Variants in ZNF254 observed in about 807,000 individuals in gnomAD.
The protein encoded by ZNF254 is CTD-2017D11.1.
A neutral mutation model predicts 12.4 loss-of-function variants in ZNF254; 10 were observed. The ratio of observed to expected loss-of-function variants is 0.80; its 90% CI spans 0.50 to 1.36. ZNF254 has a LOEUF of 1.36. ZNF254 is among the 40% of genes most tolerant of loss of function. The probability of loss-of-function intolerance (pLI) is 0.00; values close to 1 mark genes in which losing one functional copy is unlikely to be tolerated. For synonymous variants in ZNF254, 305 were observed against 253.4 expected, an observed-to-expected ratio of 1.20 and a Z score of -1.93; for missense variants, 996 against 763.9, an observed-to-expected ratio of 1.30 and a Z score of -3.58.
rs1313040760 is a variant in ZNF254, at chr19:24,129,206, T to C, written c.*1226T>C. On this transcript the variant is annotated 3_prime_UTR_variant, in exon 4 of 4. Transcript: ENST00000357002. Reference sequence around the variant, plus strand: ...CATTATTATGAATGAAAAGCATTCTTAATTTTAGTTAAAATTAAGTTAGTC... The same window carrying C: ...CATTATTATGAATGAAAAGCATTCTCAATTTTAGTTAAAATTAAGTTAGTC... 1 of 152,060 alleles carries C rather than the reference T, an allele frequency of 6.6e-6. No homozygotes were observed. Among genetic ancestry groups the C allele is most frequent in the Non-Finnish European group, 1.5e-5 (1 of 67,930 alleles). 9.4% of individuals were successfully genotyped at this position (152,060 alleles called of 1,614,324 possible).
intron 1 of ZNF254, among the ~76,000 whole-genome samples, chr19:24,045,053 C>T (rs1029320907): frequency 1.3e-5 from 2 of 152,100 alleles, no homozygotes; most frequent in African/African-American, 4.8e-5. Context: ...CTGAGAGAGC[C>T]GGACAGACTC....
At position 24,127,350 on chromosome 19, in the gene ZNF254, T is replaced by A. The variant is rs750698059; in HGVS notation, c.1350T>A (p.Thr450=). 27 of 1,613,650 alleles carry A rather than the reference T, an allele frequency of 1.7e-5. No homozygotes were observed. The highest frequency in any genetic ancestry group is 2.3e-5 in the Non-Finnish European group (27 of 1,179,822). The change falls in exon 4 of 4, where the codon ACT becomes ACA. Residue 450 remains threonine, a synonymous_variant. Transcript: ENST00000357002. ...CATTTATCTGGTCCTCAACCCTTAC[T>A]AAACATAAGAGAATTCATACTAGAG... ...GKAFIWSSTL[T]KHKRIHTREK... is the part of the protein sequence containing the mutation.
chr19:24,076,765 T>C (rs1971674061), intron 2 of ZNF254, among the ~76,000 whole-genome samples: 1 of 152,210 alleles, frequency 6.6e-6, no homozygotes, highest in African/African-American at 2.4e-5. Context: ...AGATACATTG[T>C]TTTATTCTGT....
chr19:24,092,417 T>TC lies in ZNF254; in HGVS notation c.30+5087dup, dbSNP rs1019794069. 1.3e-4 allele frequency among the ~76,000 whole-genome samples: 18 copies of TC among 139,700 alleles called. No individual in the cohort carries two copies. In the East Asian group the frequency reaches 1.3e-3, roughly 10 times the overall value. 91.6% of individuals were successfully genotyped at this position (139,700 alleles called of 152,430 possible). ...ACTCCTGACCTCAGGTGATCCACCC[T>TC]CCCCCCCGGCCTCCCAAAGTGCTGG... On this transcript the variant is annotated intron_variant, in intron 1 of 3. Coordinates refer to ENST00000357002, the MANE Select transcript of ZNF254 (RefSeq NM_203282.4).
chr19:24,083,950 A>G (rs1971937514), upstream of ZNF254, among the ~76,000 whole-genome samples: 1 of 152,070 alleles, frequency 6.6e-6, no homozygotes, highest in African/African-American at 2.4e-5. Flanking sequence ...AATTAAAAGT[A>G]GAACTACCGT....
In ZNF254 at chr19:24,126,563, T is replaced by A; in HGVS notation, c.563T>A (p.Val188Asp). Residue 188 changes from valine (V) to aspartate (D), a missense_variant, in exon 4 of 4, where the codon GTC becomes GAC. Val to Asp is a radical substitution (Grantham distance 152). Transcript: ENST00000357002. ...EKKSFKCKKR[V>D]KLFCMLSHKT... ...AAATCTTTCAAATGTAAAAAACGTGTCAAATTATTTTGCATGCTTTCACAT... is the reference window on the plus strand; with the variant it reads ...AAATCTTTCAAATGTAAAAAACGTGACAAATTATTTTGCATGCTTTCACAT... 1 of 1,604,720 alleles carries A rather than the reference T, an allele frequency of 6.2e-7. No individual in the cohort carries two copies. The highest frequency in any genetic ancestry group is 1.7e-5 in the Admixed American group (1 of 57,676).
intron 2 of ZNF254, among the ~76,000 whole-genome samples, chr19:24,052,452 G>T (rs1970685358): frequency 6.6e-6 from 1 of 152,168 alleles, no homozygotes; most frequent in Non-Finnish European, 1.5e-5. Flanking sequence ...ACATATCTTT[G>T]CATTCATTAT....
chr19:24,126,272 C>A lies in ZNF254; in HGVS notation c.272C>A (p.Ala91Asp), dbSNP rs1974828044. ...DEPPGMCPHFAQDLWPEQGME... is the reference protein window; with the variant it reads ...DEPPGMCPHFDQDLWPEQGME... ...TTTTCAGGTATGTGTCCTCATTTTG[C>A]TCAAGACCTTTGGCCAGAGCAGGGC... Residue 91 changes from alanine to aspartate, a missense_variant, in exon 4 of 4, where the codon GCT (alanine) becomes GAT (aspartate). Physicochemically the swap from Ala to Asp is moderately radical, Grantham distance 126. Coordinates refer to ENST00000357002, the MANE Select transcript of ZNF254 (RefSeq NM_203282.4). 1.3e-6 allele frequency: 2 copies of A among 1,493,176 alleles called. No homozygotes were observed. Among genetic ancestry groups the A allele is most frequent in the African/African-American group, 1.4e-5 (1 of 70,574 alleles). The allele number at this position is 1,493,176 out of a possible 1,614,324, so 92.5% of individuals were successfully genotyped here.
chr19:24,098,020 TA>T (rs1387779364), intron 1 of ZNF254, among the ~76,000 whole-genome samples: 17 of 152,146 alleles, frequency 1.1e-4, no homozygotes, highest in African/African-American at 4.1e-4. Flanking sequence ...ATATTTACTT[TA>T]AATGAATTCC....
intron 2 of ZNF254, among the ~76,000 whole-genome samples, chr19:24,078,063 A>G (rs144111132): frequency 0.015 from 2,314 of 152,254 alleles, 61 homozygotes; most frequent in African/African-American, 0.053. Context: ...TTTTGAGACG[A>G]AGTCTCACTC....
rs1335272173 is a variant in ZNF254 at position 24,102,391 on chromosome 19, T to C, written c.31-3549T>C. On this transcript the variant is annotated intron_variant, in intron 1 of 3. Transcript: ENST00000357002. Reference sequence around the variant, plus strand: ...ATTACACAAACTCTGAGATTTAAGTTTTTTTTTTTTCTTTTAGGTAAGCTT... The same window carrying C: ...ATTACACAAACTCTGAGATTTAAGTCTTTTTTTTTTCTTTTAGGTAAGCTT... 2.0e-5 allele frequency among the ~76,000 whole-genome samples: 3 copies of C among 150,368 alleles called. No homozygotes were observed. In the Admixed American group the frequency reaches 2.0e-4, roughly 10 times the overall value.
intron 3 of ZNF254, among the ~76,000 whole-genome samples, chr19:24,117,591 G>A (rs746307396): frequency 3.3e-5 from 5 of 152,244 alleles, no homozygotes; most frequent in African/African-American, 7.2e-5. Flanking sequence ...TCCAGATGCC[G>A]TCTGTCACCC....
intron 2 of ZNF254, among the ~76,000 whole-genome samples, chr19:24,078,244 G>A (rs1971729196): frequency 1.3e-5 from 2 of 152,156 alleles, no homozygotes; most frequent in African/African-American, 4.8e-5. Context: ...CACCATGTTG[G>A]CCAGGCTGGT....
chr19:24,096,333 A>G (rs1048503340), intron 1 of ZNF254, among the ~76,000 whole-genome samples: 1 of 152,120 alleles, frequency 6.6e-6, no homozygotes, highest in Non-Finnish European at 1.5e-5. Context: ...TGCTGGGATT[A>G]CAGGTATGAG....
chr19:24,044,514 G>A (rs1445958097), intron 1 of ZNF254, among the ~76,000 whole-genome samples: 1 of 150,610 alleles, frequency 6.6e-6, no homozygotes, highest in Admixed American at 6.6e-5. Flanking sequence ...CCCCAGCCTG[G>A]GTGACAGAGC....
At chr19:24,112,805 A>G (rs546591381) in intron 3 of ZNF254, among the ~76,000 whole-genome samples, 6 of 152,320 alleles carry the variant, frequency 3.9e-5, no homozygotes, top group Admixed American at 2.6e-4. Context: ...AGAAAAAAAC[A>G]TAGAAGAATC....
At chr19:24,056,764 C>T (rs1435426674) in intron 2 of ZNF254, among the ~76,000 whole-genome samples, 2 of 152,210 alleles carry the variant, frequency 1.3e-5, no homozygotes, top group African/African-American at 2.4e-5. Context: ...ACATATCACT[C>T]GTCTCAGCTC....
chr19:24,045,681 A>T (rs1319602072), intron 1 of ZNF254, among the ~76,000 whole-genome samples: 1 of 151,622 alleles, frequency 6.6e-6, no homozygotes, highest in Non-Finnish European at 1.5e-5. Context: ...AAAAAAAAAA[A>T]AAAAAAGGAA....
chr19:24,055,284 T>C (rs1395346368), intron 2 of ZNF254, among the ~76,000 whole-genome samples: 1 of 151,546 alleles, frequency 6.6e-6, no homozygotes, highest in African/African-American at 2.4e-5. Context: ...TTTTTCTTTT[T>C]CTTTTTTTCT....
Sources: gnomAD v4.1 joint callset for allele counts (sites outside exome capture counted in the v4.1 genomes callset) on GRCh38, gnomAD v4.1.1 for gene constraint, MANE v1.5 for transcripts, NCBI Gene and HGNC (gene_info 2026-07-23, HGNC 2026-07-21) for gene names.